Variants in LONRF1 observed in about 807,000 individuals in gnomAD.
LONRF1 encodes LON peptidase N-terminal domain and ring finger 1.
In LONRF1, 37 loss-of-function variants were observed where a neutral mutation model predicts 85.8. The ratio of observed to expected loss-of-function variants is 0.43; its 90% CI spans 0.33 to 0.57. The LOEUF is 0.57. Among genes scored for constraint, LONRF1 ranks in the 20% least tolerant of loss-of-function variants. LONRF1 has a pLI of 0.04. For missense variants in LONRF1, 1,036 were observed against 978.0 expected, an observed-to-expected ratio of 1.06 and a Z score of -0.79; for synonymous variants, 517 against 390.1, an observed-to-expected ratio of 1.33 and a Z score of -3.83.
intron 3 of LONRF1, among the ~76,000 whole-genome samples, chr8:12,739,349 A>G (rs1283502962): frequency 6.6e-6 from 1 of 151,692 alleles, no homozygotes; most frequent in Non-Finnish European, 1.5e-5. Context: ...AGCAAAAAAA[A>G]AAAAAAAAAA....
At chr8:12,754,329 A>C in intron 1 of LONRF1, 1 of 169,370 alleles carries the variant, frequency 5.9e-6, no homozygotes, top group Non-Finnish European at 1.3e-5. Context: ...GCGCGGCAGG[A>C]AGCGAGCGGC....
intron 8 of LONRF1, among the ~76,000 whole-genome samples, chr8:12,730,137 A>C (rs1381928485): frequency 6.6e-6 from 1 of 152,236 alleles, no homozygotes; most frequent in Non-Finnish European, 1.5e-5. Flanking sequence ...AATCATAAAG[A>C]GGAGACTAGT....
At chr8:12,741,116 G>T in intron 2 of LONRF1, 120 bp from the exon 3 acceptor site, 1 of 1,014,814 alleles carries the variant, frequency 9.9e-7, no homozygotes, top group Non-Finnish European at 1.4e-6. Flanking sequence ...GGGTGCAGTA[G>T]CTCACGCCTG....
chr8:12,733,505 A>C (rs1181539467), intron 7 of LONRF1, among the ~76,000 whole-genome samples: 1 of 152,154 alleles, frequency 6.6e-6, no homozygotes, highest in African/African-American at 2.4e-5. Flanking sequence ...GTCTGTAGAT[A>C]ATTTTTCTTT....
intron 7 of LONRF1, among the ~76,000 whole-genome samples, chr8:12,732,547 T>C (rs1363291902): frequency 6.6e-6 from 1 of 152,204 alleles, no homozygotes; most frequent in Admixed American, 6.5e-5. Context: ...TCATGCATTT[T>C]TGTGTTATTC....
chr8:12,733,300 CTT>C (rs1350589685), intron 7 of LONRF1, among the ~76,000 whole-genome samples: 1 of 135,778 alleles, frequency 7.4e-6, no homozygotes, highest in East Asian at 2.2e-4. Flanking sequence ...TACAGCCACT[CTT>C]ACATTACTGA....
chr8:12,751,296 G>GTTTTTTTTTTTTTTGT lies in LONRF1; in HGVS notation c.721+3403_721+3404insACAAAAAAAAAAAAAA, dbSNP rs1563160508. Among the ~76,000 whole-genome samples, 249 of 69,496 alleles carry GTTTTTTTTTTTTTTGT rather than the reference G, an allele frequency of 3.6e-3. 10 individuals carry two copies. Among genetic ancestry groups the GTTTTTTTTTTTTTTGT allele is most frequent in the African/African-American group, 7.8e-3 (152 of 19,444 alleles). The allele number at this position is 69,496 out of a possible 152,430, so 45.6% of individuals were successfully genotyped here. A position where few individuals can be genotyped will look rare whatever the true frequency, so the allele number is the denominator to read the frequency against. On this transcript the variant is annotated intron_variant, in intron 1 of 11. Transcript: ENST00000398246. The stretch of plus-strand genomic sequence containing the variant: ...TCAAGGATTATATTTTTATTTTTAT[G>GTTTTTTTTTTTTTTGT]TTTTTTTTTTTTTTTTTTTTTTTTG...
rs758455907 is a variant in LONRF1, at chr8:12,725,782, C to T, written c.2108G>A (p.Arg703Gln). Residue 703 changes from arginine (R) to glutamine (Q), a missense_variant, in exon 11 of 12, where the codon CGA becomes CAA. Physicochemically the swap from Arg to Gln is conservative, Grantham distance 43. Around this residue, in one of 3 missense-constraint regions of LONRF1, gnomAD observed 265 missense variants for 301.5 expected, o/e 0.88. Coordinates refer to ENST00000398246, the MANE Select transcript of LONRF1 (RefSeq NM_152271.5). Reference sequence around the variant, plus strand: ...TCCGAAATGCTGAAGAATTTGGCTTCGAAATCTGTCTCTTAAATTCTGAAA... The same window carrying T: ...TCCGAAATGCTGAAGAATTTGGCTTTGAAATCTGTCTCTTAAATTCTGAAA... ...SWFQNLRDRFRSQILQHFGSM... is the reference protein window; with the variant it reads ...SWFQNLRDRFQSQILQHFGSM... The T allele has an allele frequency of 1.5e-5, 24 of 1,613,620 alleles. No individual in the cohort carries two copies. Among genetic ancestry groups the T allele is most frequent in the Admixed American group, 3.3e-5 (2 of 59,994 alleles).
chr8:12,737,411 T>C, intron 4 of LONRF1: 1 of 606,906 alleles, frequency 1.6e-6, no homozygotes, highest in Non-Finnish European at 3.0e-6. Context: ...ATCGACTTTT[T>C]TCTTGTCATT....
chr8:12,725,692 A>G, intron 11 of LONRF1, 35 bp downstream of exon 11: 1 of 1,586,692 alleles, frequency 6.3e-7, no homozygotes, highest in Non-Finnish European at 8.6e-7. Context: ...GTTTATAAAA[A>G]AGTGACTTTT....
At chr8:12,723,363 G>A in intron 11 of LONRF1, 109 bp from the exon 12 acceptor site, 1 of 970,712 alleles carries the variant, frequency 1.0e-6, no homozygotes, top group Non-Finnish European at 1.5e-6. Flanking sequence ...TATGTGCCAG[G>A]TGCTATCTCC....
chr8:12,726,102 T>A, intron 10 of LONRF1: 1 of 413,818 alleles, frequency 2.4e-6, no homozygotes, highest in Non-Finnish European at 4.4e-6. Flanking sequence ...TGCCTAACCT[T>A]GCTGACTTAG....
At chr8:12,749,142 T>A (rs571649459) in intron 1 of LONRF1, among the ~76,000 whole-genome samples, 1 of 152,336 alleles carries the variant, frequency 6.6e-6, no homozygotes, top group East Asian at 1.9e-4. Flanking sequence ...TAATAATTGT[T>A]GATAACATTC....
rs1159492137 is a variant in LONRF1 at position 12,729,265 on chromosome 8, C to T, written c.1756G>A (p.Val586Ile). 2 of 1,613,920 alleles carry T rather than the reference C, an allele frequency of 1.2e-6. No individual in the cohort carries two copies. The highest frequency in any genetic ancestry group is 1.3e-5 in the African/African-American group (1 of 75,026). ...ATCAATCTGTATCTTGGCTCAAATA[C>T]ATGGAGAGGGCAAGGCACAGTGGGG... ...AYPTVPCPLH[V>I]FEPRYRLMIR... is the part of the protein sequence containing the mutation. The change falls in exon 9 of 12, where the codon GTA (valine) becomes ATA (isoleucine). Residue 586 changes from valine (V) to isoleucine (I), a missense_variant. Val to Ile is a conservative substitution (Grantham distance 29). Transcript: ENST00000398246.
rs1293249311 is a variant in LONRF1, at chr8:12,755,058, G to C, written c.363C>G (p.Leu121=). 7.4e-6 allele frequency: 11 copies of C among 1,476,900 alleles called. No homozygotes were observed. In the South Asian group the frequency reaches 1.4e-4, roughly 19 times the overall value. The allele number at this position is 1,476,900 out of a possible 1,614,324, so 91.5% of individuals were successfully genotyped here. A position where few individuals can be genotyped will look rare whatever the true frequency, so the allele number is the denominator to read the frequency against. The change falls in exon 1 of 12, where the codon CTC becomes CTG. Residue 121 remains leucine (L), a synonymous_variant. Coordinates refer to ENST00000398246, the MANE Select transcript of LONRF1 (RefSeq NM_152271.5). ...GGAAGCCCCGGCAGCCCAGGCATCTGAGGAGCCCGCCGGCGCCGCCGTCAG... is the reference window on the plus strand; with the variant it reads ...GGAAGCCCCGGCAGCCCAGGCATCTCAGGAGCCCGCCGGCGCCGCCGTCAG... ...AGADGGAGGL[L]RCLGCRGFLS...
chr8:12,725,616 ACAGT>A (rs2117219415), intron 11 of LONRF1, 107 bp downstream of exon 11: 2 of 1,032,560 alleles, frequency 1.9e-6, no homozygotes, highest in South Asian at 1.6e-5. Flanking sequence ...GGGGGAGGGG[ACAGT>A]CAAAGAAAAA....
In LONRF1 at chr8:12,725,893, A is replaced by G. The variant is rs1265914054; in HGVS notation, c.2011-14T>C. 2 of 1,600,934 alleles carry G rather than the reference A, an allele frequency of 1.2e-6. No homozygotes were observed. Among genetic ancestry groups the G allele is most frequent in the Middle Eastern group, 1.7e-4 (1 of 5,996 alleles). On this transcript the variant is annotated splice_polypyrimidine_tract_variant and intron_variant, in intron 10 of 11. Transcript: ENST00000398246. ...TTCATTCTCAACCTAGAAATACAAT[A>G]GTCAGTAAGACTTCTGTGTCTAATC...
At chr8:12,729,536 T>C in intron 8 of LONRF1, 1 of 508,762 alleles carries the variant, frequency 2.0e-6, no homozygotes, top group Non-Finnish European at 3.5e-6. Flanking sequence ...ATATTAATAC[T>C]GAAAATCTGC....
chr8:12,729,872 T>C (rs749936036), intron 8 of LONRF1, among the ~76,000 whole-genome samples: 4 of 152,192 alleles, frequency 2.6e-5, no homozygotes, highest in Non-Finnish European at 4.4e-5. Context: ...CATTTTTCAT[T>C]GCCAGATTGG....
Sources: allele counts gnomAD v4.1 joint callset (sites outside exome capture counted in the v4.1 genomes callset), GRCh38; gene constraint gnomAD v4.1.1; regional missense constraint gnomAD v4.1.1; transcripts MANE v1.5; gene names NCBI Gene and HGNC (gene_info 2026-07-23, HGNC 2026-07-21).